DNASE1L3: variants seen among roughly 807,000 people sequenced by gnomAD.
DNASE1L3 encodes deoxyribonuclease 1L3, also known as deoxyribonuclease gamma.
DNASE1L3 carries 27 observed loss-of-function variants against 30.9 expected under a neutral mutation model. The ratio of observed to expected loss-of-function variants is 0.87; its 90% CI spans 0.64 to 1.20. DNASE1L3 has a LOEUF of 1.20. Among genes scored for constraint, DNASE1L3 ranks in the 50% most tolerant of loss-of-function variants. The pLI is 0.00. For synonymous variants in DNASE1L3, 135 were observed against 138.0 expected (o/e 0.98, Z 0.15); for missense variants, 364 against 378.2 (o/e 0.96, Z 0.31).
At chr3:58,209,402 A>G (rs776869634) in intron 1 of DNASE1L3, among the ~76,000 whole-genome samples, 3 of 152,218 alleles carry the variant, frequency 2.0e-5, no homozygotes, top group Non-Finnish European at 2.9e-5. Context: ...TCCACGGGCC[A>G]TGTGTGAAGT....
chr3:58,204,441 AG>A (rs2097402642), intron 4 of DNASE1L3, among the ~76,000 whole-genome samples: 1 of 152,166 alleles, frequency 6.6e-6, no homozygotes, highest in African/African-American at 2.4e-5. Flanking sequence ...GCACCCAGCC[AG>A]GATTTTTAAA....
intron 2 of DNASE1L3, 45 bp from the exon 3 acceptor site, chr3:58,205,605 C>A: frequency 6.7e-7 from 1 of 1,498,862 alleles, no homozygotes; most frequent in South Asian, 1.1e-5. Context: ...AGTAAACATT[C>A]CCCTACTGTA....
chr3:58,206,073 G>C (rs1040722274), intron 2 of DNASE1L3, among the ~76,000 whole-genome samples: 3 of 152,156 alleles, frequency 2.0e-5, no homozygotes, highest in African/African-American at 7.2e-5. Flanking sequence ...AAGCCATCAG[G>C]CATTTTTTTA....
At chr3:58,203,746 GC>G (rs1241660313) in intron 4 of DNASE1L3, among the ~76,000 whole-genome samples, 1 of 152,100 alleles carries the variant, frequency 6.6e-6, no homozygotes, top group Non-Finnish European at 1.5e-5. Context: ...GTTGCAGTGA[GC>G]CAAGATCATG....
Position 58,193,395 on chromosome 3 carries a change from T to C in DNASE1L3, c.749A>G (p.Lys250Arg), listed in dbSNP as rs1475250583. ...CTGGAAGTCAAAAACACTGTTTGAC[T>C]TGGGAACAACAGAACTGACGATTTC... ...GQEIVSSVVP[K>R]SNSVFDFQKA... Residue 250 changes from lysine (K) to arginine (R), a missense_variant, in exon 7 of 8, where the codon AAG becomes AGG. Coordinates refer to ENST00000394549, the MANE Select transcript of DNASE1L3 (RefSeq NM_004944.4). 6.2e-7 allele frequency: 1 copy of C among 1,614,166 alleles called. No individual in the cohort carries two copies. The highest frequency in any genetic ancestry group is 8.5e-7 in the Non-Finnish European group (1 of 1,180,022).
chr3:58,203,421 A>G (rs547538194), intron 4 of DNASE1L3, among the ~76,000 whole-genome samples: 2 of 152,284 alleles, frequency 1.3e-5, no homozygotes, highest in South Asian at 2.1e-4. Flanking sequence ...TGTCTTGTCC[A>G]GTGCCCTCAA....
rs1431676592 is a variant in DNASE1L3 at position 58,210,887 on chromosome 3, G to T, written c.20C>A (p.Pro7Gln). Residue 7 changes from proline to glutamine, a missense_variant, in exon 1 of 8, where the codon CCA becomes CAA. Physicochemically the swap from Pro to Gln is moderately conservative, Grantham distance 76 (BLOSUM62 -1). Transcript: ENST00000394549. MSRELA[P>Q]LLLLLLSIHS... ...GATGGAGAGGAGGAGAAGCAGCAGT[G>T]GGGCCAGCTCCCGTGACATCCTGGC... The T allele has an allele frequency of 3.7e-6, 6 of 1,613,870 alleles. No homozygotes were observed. The highest frequency in any genetic ancestry group is 3.4e-6 in the Non-Finnish European group (4 of 1,180,028).
chr3:58,204,839 G>GTCA lies in DNASE1L3; in HGVS notation c.360_362dup (p.Asp121dup), dbSNP rs758765606. The stretch of plus-strand genomic sequence containing the variant: ...ACACATCTGCGTCTCCATCCTGATA[G>GTCA]TCATGGTAGTGATAACTCCTCTTCA... On this transcript the variant is annotated inframe_insertion, in exon 4 of 8. Transcript: ENST00000394549. 1 of 1,614,188 alleles carries GTCA rather than the reference G, an allele frequency of 6.2e-7. No individual in the cohort carries two copies. Among genetic ancestry groups the GTCA allele is most frequent in the African/African-American group, 1.3e-5 (1 of 75,048 alleles).
rs1017188764 is a variant in DNASE1L3 at position 58,192,586 on chromosome 3, G to A, written c.*101C>T. The A allele has an allele frequency of 1.2e-5, 15 of 1,256,352 alleles. No homozygotes were observed. The African/African-American group carries it at 2.1e-4, about 18-fold the overall frequency. The allele number at this position is 1,256,352 out of a possible 1,614,324, so 77.8% of individuals were successfully genotyped here. A position where few individuals can be genotyped will look rare whatever the true frequency, so the allele number is the denominator to read the frequency against. ...AAATTCAGGTCAAAAAATGAAAGCA[G>A]TTGGATCACTCTTGTTTCCTAAGTA... On this transcript the variant is annotated 3_prime_UTR_variant, in exon 8 of 8. Coordinates refer to ENST00000394549, the MANE Select transcript of DNASE1L3 (RefSeq NM_004944.4). This position sits in a 1 kb window ranked among gnomAD's most constrained non-coding sequence, Gnocchi z 4.8.
intron 2 of DNASE1L3, among the ~76,000 whole-genome samples, chr3:58,207,348 G>A (rs1356162153): frequency 1.3e-5 from 2 of 151,986 alleles, no homozygotes; most frequent in East Asian, 3.9e-4. Flanking sequence ...TACCAGCCTG[G>A]GCAACAGAGT....
intron 3 of DNASE1L3, among the ~76,000 whole-genome samples, chr3:58,205,263 CCAACA>C (rs1306192289): frequency 6.6e-6 from 1 of 152,214 alleles, no homozygotes; most frequent in Non-Finnish European, 1.5e-5. Flanking sequence ...ATGGAGCCAA[CCAACA>C]AATTAGGTGT....
intron 2 of DNASE1L3, among the ~76,000 whole-genome samples, chr3:58,206,597 G>C (rs1436511356): frequency 1.3e-5 from 2 of 152,166 alleles, no homozygotes; most frequent in African/African-American, 4.8e-5. Flanking sequence ...GCTTGGCTCT[G>C]CTTGGAGTCC....
At position 58,210,803 on chromosome 3, in the gene DNASE1L3, T is replaced by G; in HGVS notation, c.104A>C (p.Lys35Thr). 1 of 1,614,162 alleles carries G rather than the reference T, an allele frequency of 6.2e-7. No homozygotes were observed. Among genetic ancestry groups the G allele is most frequent in the African/African-American group, 1.3e-5 (1 of 75,030 alleles). The change falls in exon 1 of 8, where the codon AAG (lysine) becomes ACG (threonine). Residue 35 changes from lysine (K) to threonine (T), a missense_variant. Lys to Thr is a moderately conservative substitution (Grantham distance 78). Coordinates refer to ENST00000394549, the MANE Select transcript of DNASE1L3 (RefSeq NM_004944.4). ...SFNVRSFGESKQEDKNAMDVI... is the reference protein window; with the variant it reads ...SFNVRSFGESTQEDKNAMDVI... ...ATCCATGGCATTCTTGTCTTCCTGC[T>G]TGCTTTCCCCAAAGGACCTGACGTT... is the stretch of plus-strand genomic sequence containing the variant.
intron 5 of DNASE1L3, among the ~76,000 whole-genome samples, chr3:58,198,626 A>G (rs2097398794): frequency 6.6e-6 from 1 of 152,246 alleles, no homozygotes; most frequent in Admixed American, 6.5e-5. Flanking sequence ...CTTAGTCGCC[A>G]CATTTCCATA....
chr3:58,210,733 G>A (rs2097407199), intron 1 of DNASE1L3, 33 bp downstream of exon 1: 2 of 1,613,642 alleles, frequency 1.2e-6, no homozygotes, highest in Admixed American at 1.7e-5. Context: ...TGTGAGGGGT[G>A]TCTGGGATCC....
At chr3:58,193,963 A>C (rs560054706) in intron 6 of DNASE1L3, among the ~76,000 whole-genome samples, 33 of 152,344 alleles carry the variant, frequency 2.2e-4, no homozygotes, top group Middle Eastern at 3.4e-3. Context: ...GTTACCTTCA[A>C]TTTATGGCAA....
intron 1 of DNASE1L3, among the ~76,000 whole-genome samples, chr3:58,208,970 T>C (rs1374095142): frequency 1.3e-5 from 2 of 152,150 alleles, no homozygotes; most frequent in Admixed American, 6.5e-5. Context: ...CCGGGCACGG[T>C]GGCTTACGCC....
rs552835756 is a variant in DNASE1L3, at chr3:58,210,899, C to T, written c.8G>A (p.Arg3Gln). ...GAGAAGCAGCAGTGGGGCCAGCTCCCGTGACATCCTGGCGCTGCTCTGGCT... is the reference window on the plus strand; with the variant it reads ...GAGAAGCAGCAGTGGGGCCAGCTCCTGTGACATCCTGGCGCTGCTCTGGCT... MS[R>Q]ELAPLLLLLL... is the part of the protein sequence containing the mutation. Residue 3 changes from arginine to glutamine, a missense_variant, in exon 1 of 8, where the codon CGG becomes CAG. Physicochemically the swap from Arg to Gln is conservative, Grantham distance 43. Coordinates refer to ENST00000394549, the MANE Select transcript of DNASE1L3 (RefSeq NM_004944.4). The T allele has an allele frequency of 1.9e-5, 30 of 1,613,812 alleles. No individual in the cohort carries two copies. The highest frequency in any genetic ancestry group is 1.5e-4 in the African/African-American group (11 of 75,020).
At chr3:58,205,293 T>C (rs1189430481) in intron 3 of DNASE1L3, among the ~76,000 whole-genome samples, 178 bp downstream of exon 3, 2 of 152,244 alleles carry the variant, frequency 1.3e-5, no homozygotes, top group Non-Finnish European at 2.9e-5. Flanking sequence ...AGACCCCTTG[T>C]GTTTTCAGCT....
Sources: allele counts gnomAD v4.1 joint callset (sites outside exome capture counted in the v4.1 genomes callset), GRCh38; gene constraint gnomAD v4.1.1; non-coding constraint Gnocchi (gnomAD v3.1); transcripts MANE v1.5; gene names NCBI Gene and HGNC (gene_info 2026-07-23, HGNC 2026-07-21).